The following PRKAR1A variants were observed in gnomAD, a reference collection of about 807,000 sequenced individuals.
PRKAR1A encodes cAMP-dependent protein kinase type I-alpha regulatory subunit.
A neutral mutation model predicts 52.0 loss-of-function variants in PRKAR1A; 3 were observed. The ratio of observed to expected loss-of-function variants is 0.06; its 90% confidence interval spans 0.03 to 0.15. The LOEUF (loss-of-function observed/expected upper bound fraction) is 0.15. PRKAR1A is among the 10% of genes least tolerant of loss of function. The pLI is 1.00. For missense variants in PRKAR1A, 240 were observed against 477.4 expected (o/e 0.50, Z 4.63); for synonymous variants, 188 against 168.4 (o/e 1.12, Z -0.90).
chr17:68,489,233 A>C, the PRKAR1A span, among the ~76,000 whole-genome samples: 1 of 21,456 alleles, frequency 4.7e-5, no homozygotes, highest in Non-Finnish European at 7.8e-5. Context: ...TATATATGGA[A>C]AGTATATATA....
At chr17:68,437,005 A>AATATATATATAT in the PRKAR1A span, among the ~76,000 whole-genome samples, 116 of 107,238 alleles carry the variant, frequency 1.1e-3, 1 homozygote, top group Middle Eastern at 5.3e-3. Flanking sequence ...AAAAAAAAAA[A>AATATATATATAT]ATATATATAT....
chr17:68,512,088 G>C (rs1040833317), upstream of PRKAR1A: 12 of 154,044 alleles, frequency 7.8e-5, no homozygotes, highest in African/African-American at 2.4e-4. Flanking sequence ...CGCGGAGAGA[G>C]AGCGAAGAGC....
intron 7 of PRKAR1A, among the ~76,000 whole-genome samples, chr17:68,527,395 C>G (rs1472437135): frequency 6.6e-6 from 1 of 152,118 alleles, no homozygotes; most frequent in African/African-American, 2.4e-5. Context: ...TGTAAATGAC[C>G]TAGATTACTT....
chr17:68,450,933 G>T, the PRKAR1A span: 3 of 1,587,258 alleles, frequency 1.9e-6, no homozygotes, highest in Non-Finnish European at 2.6e-6. Flanking sequence ...TACATGGATT[G>T]ATCACTTCCA....
the PRKAR1A span, among the ~76,000 whole-genome samples, chr17:68,456,051 GA>G: frequency 2.6e-5 from 4 of 152,062 alleles, no homozygotes; most frequent in Non-Finnish European, 4.4e-5. Flanking sequence ...AAGCAGCTTA[GA>G]AAAAAAGGAC....
the PRKAR1A span, among the ~76,000 whole-genome samples, chr17:68,464,959 T>C: frequency 3.3e-5 from 5 of 149,770 alleles, no homozygotes; most frequent in Non-Finnish European, 3.0e-5. Context: ...GGAGTCTTGC[T>C]CTGTTGCCCA....
At chr17:68,509,377 G>GCTGTGATCTTGAACTC (rs1398776050), upstream of PRKAR1A, among the ~76,000 whole-genome samples, 1 of 152,110 alleles carries the variant, frequency 6.6e-6, no homozygotes, top group Non-Finnish European at 1.5e-5. Flanking sequence ...TGTTGCCCAG[G>GCTGTGATCTTGAACTC]CTGGTCTTGA....
At chr17:68,423,282 A>C in the PRKAR1A span, among the ~76,000 whole-genome samples, 1 of 152,236 alleles carries the variant, frequency 6.6e-6, no homozygotes, top group Non-Finnish European at 1.5e-5. The surrounding 1 kb of genome is among the most constrained non-coding windows in gnomAD (Gnocchi z 4.4). Context: ...ATTTCTGCCA[A>C]TTCAGGCATG....
the PRKAR1A span, among the ~76,000 whole-genome samples, chr17:68,440,275 A>C: frequency 6.6e-6 from 1 of 152,214 alleles, no homozygotes; most frequent in African/African-American, 2.4e-5. Flanking sequence ...CAAGTGTCAG[A>C]AAAATCCAAC....
At chr17:68,501,398 C>T in the PRKAR1A span, among the ~76,000 whole-genome samples, 17,376 of 152,200 alleles carry the variant, frequency 0.11, 1,021 homozygotes, top group Middle Eastern at 0.16. Flanking sequence ...CCAGGAGGTG[C>T]TGCATTCACT....
At chr17:68,505,673 C>T in the PRKAR1A span, among the ~76,000 whole-genome samples, 2 of 152,066 alleles carry the variant, frequency 1.3e-5, no homozygotes, top group East Asian at 1.9e-4. Context: ...ATTAGCTGGG[C>T]GTGGTGGTGT....
the PRKAR1A span, among the ~76,000 whole-genome samples, chr17:68,484,474 A>G: frequency 0.021 from 2,750 of 133,632 alleles, 31 homozygotes; most frequent in Non-Finnish European, 0.032. Context: ...TTTTTTTTGT[A>G]TTCCATCGGG....
chr17:68,486,561 CT>C, the PRKAR1A span, among the ~76,000 whole-genome samples: 9 of 128,072 alleles, frequency 7.0e-5, no homozygotes, highest in Non-Finnish European at 9.8e-5. Context: ...TTCTTTCTTT[CT>C]TTCTTTCTTC....
chr17:68,485,655 A>G, the PRKAR1A span, among the ~76,000 whole-genome samples: 1 of 152,190 alleles, frequency 6.6e-6, no homozygotes, highest in East Asian at 1.9e-4. Flanking sequence ...AAACACTCCA[A>G]TTATTCTTGC....
intron 6 of PRKAR1A, 65 bp downstream of exon 6, chr17:68,525,023 A>C: frequency 1.5e-6 from 2 of 1,323,996 alleles, no homozygotes. Flanking sequence ...GCTTCCGAGC[A>C]ATAAGAATAG....
chr17:68,488,679 G>A, the PRKAR1A span, among the ~76,000 whole-genome samples: 1 of 146,422 alleles, frequency 6.8e-6, no homozygotes, highest in Non-Finnish European at 1.5e-5. Flanking sequence ...GCAGTGAGCT[G>A]AGATCATGCC....
chr17:68,456,166 T>C, the PRKAR1A span, among the ~76,000 whole-genome samples: 1 of 152,144 alleles, frequency 6.6e-6, no homozygotes, highest in African/African-American at 2.4e-5. Context: ...AAGAAAAACT[T>C]GAAAGTCACT....
the PRKAR1A span, among the ~76,000 whole-genome samples, chr17:68,471,954 C>G: frequency 6.6e-6 from 1 of 152,166 alleles, no homozygotes; most frequent in Admixed American, 6.5e-5. Flanking sequence ...GCACCCGCCA[C>G]CACGCCTGGC....
chr17:68,438,261 T>C, the PRKAR1A span, among the ~76,000 whole-genome samples: 1 of 139,538 alleles, frequency 7.2e-6, no homozygotes, highest in African/African-American at 2.6e-5. Flanking sequence ...TGCCACCCCT[T>C]TGGCGATACA....
Sources: allele counts gnomAD v4.1 joint callset (sites outside exome capture counted in the v4.1 genomes callset), GRCh38; gene constraint gnomAD v4.1.1; non-coding constraint Gnocchi (gnomAD v3.1); transcripts MANE v1.5; gene names NCBI Gene and HGNC (gene_info 2026-07-23, HGNC 2026-07-21).